Variants in DNAI1 observed in about 807,000 individuals in gnomAD.
DNAI1 encodes dynein axonemal intermediate chain 1, also known as dynein, axonemal, intermediate polypeptide 1.
DNAI1 carries 67 observed loss-of-function variants against 92.0 expected under a neutral mutation model. That is an observed-to-expected ratio of 0.73 (90% CI 0.60 to 0.89). DNAI1 has a LOEUF of 0.89. Among genes scored for constraint, DNAI1 ranks in the 40% least tolerant of loss-of-function variants. DNAI1 has a pLI of 0.00. For missense variants in DNAI1, 839 were observed against 866.6 expected (o/e 0.97, Z 0.40); for synonymous variants, 323 against 319.6 (o/e 1.01, Z -0.11).
chr9:34,517,983 G>A (rs763883157), intron 19 of DNAI1, among the ~76,000 whole-genome samples: 10 of 152,210 alleles, frequency 6.6e-5, no homozygotes, highest in African/African-American at 1.4e-4. Context: ...CTGTTTCTAG[G>A]GTCTCCAATG....
intron 13 of DNAI1, among the ~76,000 whole-genome samples, chr9:34,511,644 C>T (rs1007640753): frequency 7.2e-5 from 11 of 152,178 alleles, no homozygotes; most frequent in Admixed American, 2.0e-4. Context: ...GTAAGGGCTT[C>T]ACATATAGTA....
intron 1 of DNAI1, among the ~76,000 whole-genome samples, chr9:34,463,348 A>C (rs1823983553): frequency 6.6e-6 from 1 of 152,240 alleles, no homozygotes; most frequent in African/African-American, 2.4e-5. Flanking sequence ...AACCCATGGC[A>C]TATTAAATTG....
rs370391949 is a variant in DNAI1, at chr9:34,489,416, C to T, written c.355C>T (p.Arg119Trp). ...GATCCCCAAAGACTCAGATGAAGGA[C>T]GGCGGCAGCATTACCGCGATGAATT... is the stretch of plus-strand genomic sequence containing the variant. ...NLIPKDSDEG[R>W]RQHYRDELVA... The change falls in exon 5 of 20, where the codon CGG becomes TGG. Residue 119 changes from arginine to tryptophan, a missense_variant. Transcript: ENST00000242317. 29 of 1,613,868 alleles carry T rather than the reference C, an allele frequency of 1.8e-5. No homozygotes were observed. Among genetic ancestry groups the T allele is most frequent in the African/African-American group, 5.3e-5 (4 of 74,914 alleles).
rs761802925 is a variant in DNAI1 at position 34,493,283 on chromosome 9, A to C, written c.771A>C (p.Lys257Asn). The change falls in exon 9 of 20, where the codon AAA (lysine) becomes AAC (asparagine). Residue 257 changes from lysine to asparagine, a missense_variant. Physicochemically the swap from Lys to Asn is moderately conservative, Grantham distance 94 (BLOSUM62 0). Transcript: ENST00000242317. Reference protein sequence around the residue: ...KEKAKTPVAKKSGKMAMRKLT... With the variant: ...KEKAKTPVAKNSGKMAMRKLT... ...AGGCAAAGACCCCAGTGGCTAAAAA[A>C]TCAGGGAAGATGGCCATGAGGAAGC... 1 of 1,614,188 alleles carries C rather than the reference A, an allele frequency of 6.2e-7. No individual in the cohort carries two copies. Among genetic ancestry groups the C allele is most frequent in the South Asian group, 1.1e-5 (1 of 91,086 alleles).
rs7874844 is a variant in DNAI1, at chr9:34,489,804, G to T, written c.389-208G>T. Among the ~76,000 whole-genome samples, 981 of 152,126 alleles carry T rather than the reference G, an allele frequency of 6.4e-3. 6 individuals are homozygous for T. The highest frequency in any genetic ancestry group is 0.021 in the African/African-American group (887 of 41,488). On this transcript the variant is annotated intron_variant, in intron 5 of 19. Coordinates refer to ENST00000242317, the MANE Select transcript of DNAI1 (RefSeq NM_012144.4). ...GCAGAGGTTGCAGTGAGCCGAGATTGTGCCACCACTGCATTCCAGCCTGGC... is the reference window on the plus strand; with the variant it reads ...GCAGAGGTTGCAGTGAGCCGAGATTTTGCCACCACTGCATTCCAGCCTGGC...
At chr9:34,461,008 T>C (rs1823942493) in intron 1 of DNAI1, among the ~76,000 whole-genome samples, 1 of 152,056 alleles carries the variant, frequency 6.6e-6, no homozygotes, top group African/African-American at 2.4e-5. Context: ...GCCCAGCTAA[T>C]TTTTTTGTAT....
rs190964681 is a variant in DNAI1, at chr9:34,515,820, G to T, written c.1818+1081G>T. Among the ~76,000 whole-genome samples, 228 of 152,282 alleles carry T rather than the reference G, an allele frequency of 1.5e-3. 1 individual carries two copies. Among genetic ancestry groups the T allele is most frequent in the Admixed American group, 5.4e-3 (83 of 15,296 alleles). On this transcript the variant is annotated intron_variant, in intron 18 of 19. Transcript: ENST00000242317. ...AAGTCAATTTGTGTGGCCTAGGGTGGTGAAAATGTTCTAAAATCGGTTGTA... is the reference window on the plus strand; with the variant it reads ...AAGTCAATTTGTGTGGCCTAGGGTGTTGAAAATGTTCTAAAATCGGTTGTA...
intron 1 of DNAI1, among the ~76,000 whole-genome samples, chr9:34,465,447 T>G (rs947692137): frequency 4.6e-5 from 7 of 152,228 alleles, no homozygotes; most frequent in Non-Finnish European, 1.0e-4. Context: ...CCCCTAGTTG[T>G]GTTAATGGAA....
intron 4 of DNAI1, 137 bp from the exon 5 acceptor site, chr9:34,489,186 A>G (rs1474781096): frequency 1.0e-6 from 1 of 1,002,366 alleles, no homozygotes; most frequent in Non-Finnish European, 1.6e-6. Context: ...AAAACTTCAG[A>G]TTAACTGAGG....
At chr9:34,484,928 C>G in intron 2 of DNAI1, 1 of 527,918 alleles carries the variant, frequency 1.9e-6, no homozygotes, top group East Asian at 3.7e-5. Context: ...AGCCTGACCC[C>G]CAGGGCAGAG....
Position 34,491,511 on chromosome 9 carries a change from C to T in DNAI1, c.638C>T (p.Thr213Met), listed in dbSNP as rs201754555. The T allele has an allele frequency of 1.1e-4, 181 of 1,614,054 alleles. 1 individual carries two copies. Among genetic ancestry groups the T allele is most frequent in the Non-Finnish European group, 1.4e-4 (164 of 1,180,042 alleles). ...GTTCTTTAGGATCGAGAATGCCAGA[C>T]GGAGCCTCCTCCCAGGACAAACTTT... ...NNPVRDRECQ[T>M]EPPPRTNFSA... The change falls in exon 8 of 20, where the codon ACG becomes ATG. Residue 213 changes from threonine to methionine, a missense_variant. Physicochemically the swap from Thr to Met is moderately conservative, Grantham distance 81. Transcript: ENST00000242317.
At chr9:34,460,869 C>T (rs1052650800) in intron 1 of DNAI1, among the ~76,000 whole-genome samples, 1 of 151,790 alleles carries the variant, frequency 6.6e-6, no homozygotes, top group African/African-American at 2.4e-5. Flanking sequence ...GAGACGGAGT[C>T]TTGCTCTGTC....
intron 5 of DNAI1, 150 bp downstream of exon 5, chr9:34,489,599 C>T: frequency 2.0e-6 from 2 of 983,996 alleles, no homozygotes; most frequent in East Asian, 2.7e-5. Flanking sequence ...CCTATAATCC[C>T]AGCACTTTGG....
At chr9:34,478,690 G>A (rs1031829815) in intron 1 of DNAI1, 1 of 152,202 alleles carries the variant, frequency 6.6e-6, no homozygotes, top group Non-Finnish European at 1.5e-5. Flanking sequence ...TGTCTGCCAC[G>A]GTGGGCTGGG....
At chr9:34,516,536 G>A (rs1825172973) in intron 18 of DNAI1, among the ~76,000 whole-genome samples, 1 of 152,068 alleles carries the variant, frequency 6.6e-6, no homozygotes, top group Non-Finnish European at 1.5e-5. Context: ...TATATTAACT[G>A]GTGTAAGCCC....
chr9:34,467,026 A>G (rs1214113358), intron 1 of DNAI1, among the ~76,000 whole-genome samples: 1 of 152,216 alleles, frequency 6.6e-6, no homozygotes, highest in Non-Finnish European at 1.5e-5. Context: ...ACAAGATCCT[A>G]TGGCTCTTTA....
chr9:34,482,342 G>A (rs993092292), intron 1 of DNAI1, among the ~76,000 whole-genome samples: 1 of 150,602 alleles, frequency 6.6e-6, no homozygotes, highest in Non-Finnish European at 1.5e-5. Context: ...ACAGGGTGCT[G>A]ATTGGTGTAT....
intron 12 of DNAI1, among the ~76,000 whole-genome samples, chr9:34,505,068 G>A (rs923889969): frequency 1.3e-5 from 2 of 152,072 alleles, no homozygotes; most frequent in Admixed American, 1.3e-4. Flanking sequence ...TTCCCTAAAT[G>A]TCTACTATAT....
chr9:34,512,267 A>T (rs1587089833), intron 14 of DNAI1, 69 bp downstream of exon 14: 2 of 1,609,916 alleles, frequency 1.2e-6, no homozygotes, highest in Non-Finnish European at 1.7e-6. Flanking sequence ...GCAAAGGGCA[A>T]CCCCCAGCCT....
Sources: gnomAD v4.1 joint callset for allele counts (sites outside exome capture counted in the v4.1 genomes callset) on GRCh38, gnomAD v4.1.1 for gene constraint, MANE v1.5 for transcripts, NCBI Gene and HGNC (gene_info 2026-07-23, HGNC 2026-07-21) for gene names.